The following IPO7 variants were observed in gnomAD, a reference collection of about 807,000 sequenced individuals.
The protein encoded by IPO7 is importin 7.
A neutral mutation model predicts 136.4 loss-of-function variants in IPO7; 13 were observed. The ratio of observed to expected loss-of-function variants is 0.10; its 90% CI spans 0.06 to 0.15. The LOEUF is 0.15. Ranked by LOEUF, IPO7 falls within the 10% of genes least tolerant of loss-of-function variation. The probability of loss-of-function intolerance (pLI) is 1.00; values close to 1 mark genes in which losing one functional copy is unlikely to be tolerated. For missense variants in IPO7, 857 were observed against 1,240.6 expected (o/e 0.69, Z 4.65); for synonymous variants, 403 against 404.4 (o/e 1.00, Z 0.04).
intron 18 of IPO7, 38 bp downstream of exon 18, chr11:9,433,884 C>A: frequency 6.4e-7 from 1 of 1,571,904 alleles, no homozygotes; most frequent in South Asian, 1.1e-5. Context: ...AGGGTTTTCC[C>A]TGCTTTGATT....
intron 20 of IPO7, among the ~76,000 whole-genome samples, chr11:9,437,495 C>G (rs1855395725): frequency 1.3e-5 from 2 of 151,852 alleles, no homozygotes; most frequent in Admixed American, 1.3e-4. Flanking sequence ...ACCTCGTGAT[C>G]CGCCTGCCTC....
At chr11:9,424,827 A>G (rs1194097134) in intron 10 of IPO7, 87 bp from the exon 11 acceptor site, 1 of 858,196 alleles carries the variant, frequency 1.2e-6, no homozygotes, top group South Asian at 1.5e-5. Context: ...GATCATTTTC[A>G]TACCTTATGT....
In IPO7 at chr11:9,420,690, G is replaced by A. The variant is rs1204379999; in HGVS notation, c.898G>A (p.Val300Ile). 2 of 1,604,704 alleles carry A rather than the reference G, an allele frequency of 1.2e-6. No individual in the cohort carries two copies. Among genetic ancestry groups the A allele is most frequent in the South Asian group, 1.1e-5 (1 of 90,804 alleles). Residue 300 changes from valine to isoleucine, a missense_variant, in exon 8 of 25, where the codon GTC (valine) becomes ATC (isoleucine). Transcript: ENST00000379719. ...ATTTCTGAAGGCATTTGCTGTTGGT[G>A]TCCAGCAAGTAAGTCTGTTTTTAGT... The part of the protein sequence containing the change: ...EVFLKAFAVG[V>I]QQVLLKVLYQ...
intron 6 of IPO7, among the ~76,000 whole-genome samples, chr11:9,419,994 G>A (rs1401501601): frequency 6.6e-6 from 1 of 152,128 alleles, no homozygotes; most frequent in East Asian, 1.9e-4. Flanking sequence ...TTTAAATAGG[G>A]TTAATACTTT....
At chr11:9,391,161 A>T (rs570344162) in intron 1 of IPO7, among the ~76,000 whole-genome samples, 2 of 151,768 alleles carry the variant, frequency 1.3e-5, no homozygotes, top group Admixed American at 1.3e-4. Flanking sequence ...GCACTTTGGG[A>T]GGCCGAGGTG....
intron 2 of IPO7, 66 bp from the exon 3 acceptor site, chr11:9,408,420 C>A: frequency 1.9e-6 from 2 of 1,026,982 alleles, no homozygotes; most frequent in South Asian, 2.5e-5. Context: ...GAGGTATGGA[C>A]ACTTGTGGGA....
At chr11:9,429,438 C>T (rs964841587) in intron 14 of IPO7, among the ~76,000 whole-genome samples, 25 of 151,718 alleles carry the variant, frequency 1.6e-4, no homozygotes, top group East Asian at 5.8e-4. Context: ...CCCGACGGTT[C>T]GAGGCTGCAG....
chr11:9,428,135 A>G (rs909190832), intron 12 of IPO7, among the ~76,000 whole-genome samples: 2 of 152,192 alleles, frequency 1.3e-5, no homozygotes, highest in African/African-American at 4.8e-5. Flanking sequence ...AAAAGAAAAA[A>G]AAAAGAGTGT....
Position 9,384,659 on chromosome 11 carries a change from C to A in IPO7, c.-105C>A. 1.1e-6 allele frequency: 1 copy of A among 942,176 alleles called. No individual in the cohort carries two copies. Among genetic ancestry groups the A allele is most frequent in the Non-Finnish European group, 1.6e-6 (1 of 630,420 alleles). 58.4% of individuals were successfully genotyped at this position (942,176 alleles called of 1,614,324 possible). On this transcript the variant is annotated 5_prime_UTR_variant, in exon 1 of 25. Coordinates refer to ENST00000379719, the MANE Select transcript of IPO7 (RefSeq NM_006391.3). ...GCCTTGGCGCTTCTCTTTCCTTTCG[C>A]GCCGGTTGCCGCTGCGGAGCGCGGC...
rs765441990 is a variant in IPO7 at position 9,428,924 on chromosome 11, C to T, written c.1426-107C>T. ...TAGTGTTGTCTCTGGACACATCTAC[C>T]ACTGGCCAGCCTCCAAATTCCCACA... On this transcript the variant is annotated intron_variant, in intron 13 of 24. Transcript: ENST00000379719. The T allele has an allele frequency of 3.1e-6, 3 of 977,762 alleles. No homozygotes were observed. The East Asian group carries it at 7.1e-5, about 23-fold the overall frequency. 60.6% of individuals were successfully genotyped at this position (977,762 alleles called of 1,614,324 possible). A position where few individuals can be genotyped will look rare whatever the true frequency, so the allele number is the denominator to read the frequency against.
At chr11:9,397,341 A>AATATATATATATAT (rs1398990687) in intron 1 of IPO7, among the ~76,000 whole-genome samples, 1 of 10,760 alleles carries the variant, frequency 9.3e-5, no homozygotes, top group Admixed American at 2.1e-3. Flanking sequence ...TTTAAAAAAA[A>AATATATATATATAT]ATATATATAT....
Position 9,428,121 on chromosome 11 carries a change from A to G in IPO7, c.1336-419A>G, listed in dbSNP as rs188368492. Among the ~76,000 whole-genome samples, 446 of 152,106 alleles carry G rather than the reference A, an allele frequency of 2.9e-3. 3 individuals are homozygous for G. The highest frequency in any genetic ancestry group is 0.01 in the Middle Eastern group (3 of 294). On this transcript the variant is annotated intron_variant, in intron 12 of 24. Coordinates refer to ENST00000379719, the MANE Select transcript of IPO7 (RefSeq NM_006391.3). ...GGCAACACAGCAAGACTCCGTCTCA[A>G]AAAAAAAGAAAAAAAAAAGAGTGTG... is the stretch of plus-strand genomic sequence containing the variant.
intron 12 of IPO7, among the ~76,000 whole-genome samples, chr11:9,425,671 C>T (rs1047553866): frequency 3.3e-5 from 5 of 151,762 alleles, no homozygotes; most frequent in African/African-American, 7.3e-5. Context: ...GTCAGGAGAT[C>T]GAGACCATCC....
At chr11:9,410,990 A>C (rs1300037089) in intron 4 of IPO7, among the ~76,000 whole-genome samples, 1 of 152,174 alleles carries the variant, frequency 6.6e-6, no homozygotes, top group Non-Finnish European at 1.5e-5. Context: ...AGCAGGAGAG[A>C]AATATACCAT....
chr11:9,386,537 T>C (rs1361236165), intron 1 of IPO7, among the ~76,000 whole-genome samples: 1 of 152,214 alleles, frequency 6.6e-6, no homozygotes, highest in African/African-American at 2.4e-5. Flanking sequence ...CGCGTATTAT[T>C]TTGACTAATT....
intron 6 of IPO7, among the ~76,000 whole-genome samples, chr11:9,419,929 T>A (rs995693566): frequency 1.3e-5 from 2 of 152,320 alleles, no homozygotes; most frequent in South Asian, 4.1e-4. Flanking sequence ...TAGAATTATT[T>A]TAAAAAGCAT....
chr11:9,405,930 C>T (rs1362340083), intron 2 of IPO7, among the ~76,000 whole-genome samples: 1 of 151,512 alleles, frequency 6.6e-6, no homozygotes, highest in East Asian at 1.9e-4. Context: ...TGATCCTTGC[C>T]CAGGCCGGGG....
At position 9,406,110 on chromosome 11, in the gene IPO7, T is replaced by TTTTC. The variant is rs1382115208; in HGVS notation, c.167-2373_167-2372insCTTT. ...CTATGTTGCTGAGGCTGGTCTTTTTTTTTTTTTTTTTTTTTTTTTTTTAGT... is the reference window on the plus strand; with the variant it reads ...CTATGTTGCTGAGGCTGGTCTTTTTTTTTCTTTTTTTTTTTTTTTTTTTTTTAGT... On this transcript the variant is annotated intron_variant, in intron 2 of 24. Transcript: ENST00000379719. Among the ~76,000 whole-genome samples, 506 of 135,912 alleles carry TTTTC rather than the reference T, an allele frequency of 3.7e-3. 7 individuals carry two copies. Among genetic ancestry groups the TTTTC allele is most frequent in the African/African-American group, 0.013 (487 of 36,234 alleles). 89.2% of individuals were successfully genotyped at this position (135,912 alleles called of 152,430 possible). A position where few individuals can be genotyped will look rare whatever the true frequency, so the allele number is the denominator to read the frequency against.
intron 4 of IPO7, among the ~76,000 whole-genome samples, chr11:9,413,428 A>G (rs1854996417): frequency 6.6e-6 from 1 of 152,138 alleles, no homozygotes; most frequent in African/African-American, 2.4e-5. Context: ...GGTAATAATA[A>G]TCAGTTTTAT....
Sources: gnomAD v4.1 joint callset for allele counts (sites outside exome capture counted in the v4.1 genomes callset) on GRCh38, gnomAD v4.1.1 for gene constraint, MANE v1.5 for transcripts, NCBI Gene and HGNC (gene_info 2026-07-23, HGNC 2026-07-21) for gene names.